The following SORCS1 variants were observed in gnomAD, a reference collection of about 807,000 sequenced individuals.
The protein encoded by SORCS1 is sortilin related VPS10 domain containing receptor 1, also known as VPS10 domain-containing receptor SorCS1.
SORCS1 carries 60 observed loss-of-function variants against 146.1 expected under a neutral mutation model. That is an observed-to-expected ratio of 0.41 (90% CI 0.33 to 0.51). SORCS1 has a LOEUF of 0.51. Among genes scored for constraint, SORCS1 ranks in the 20% least tolerant of loss-of-function variants. The probability of loss-of-function intolerance (pLI) is 0.21; values close to 1 mark genes in which losing one functional copy is unlikely to be tolerated. For missense variants in SORCS1, 1,352 were observed against 1,487.6 expected (o/e 0.91, Z 1.50); for synonymous variants, 637 against 584.0 (o/e 1.09, Z -1.31).
At chr10:106,999,822 G>A (rs1420736734) in intron 1 of SORCS1, among the ~76,000 whole-genome samples, 1 of 152,166 alleles carries the variant, frequency 6.6e-6, no homozygotes, top group African/African-American at 2.4e-5. Context: ...AAGTGTAACA[G>A]GATAAGGGGA....
At chr10:106,690,746 G>GT (rs1227625138) in intron 9 of SORCS1, among the ~76,000 whole-genome samples, 1 of 152,144 alleles carries the variant, frequency 6.6e-6, no homozygotes, top group South Asian at 2.1e-4. Context: ...TTAAGGTAGG[G>GT]TTTTTTATTT....
At chr10:106,668,435 T>C (rs921147374) in intron 16 of SORCS1, among the ~76,000 whole-genome samples, 1 of 152,202 alleles carries the variant, frequency 6.6e-6, no homozygotes. Flanking sequence ...ACTTCGGAAA[T>C]AGCCAAAGAC....
intron 1 of SORCS1, among the ~76,000 whole-genome samples, chr10:107,021,437 C>T (rs1325265805): frequency 1.4e-5 from 2 of 144,368 alleles, no homozygotes; most frequent in East Asian, 4.2e-4. Flanking sequence ...TGGCGTGAAC[C>T]CGGGAGGCAG....
At chr10:106,949,159 G>C (rs1954537918) in intron 2 of SORCS1, among the ~76,000 whole-genome samples, 1 of 152,144 alleles carries the variant, frequency 6.6e-6, no homozygotes, top group South Asian at 2.1e-4. Context: ...TGTACGCACA[G>C]GTGTGAACAG....
chr10:106,903,071 C>G (rs1951777995), intron 2 of SORCS1, among the ~76,000 whole-genome samples: 1 of 152,170 alleles, frequency 6.6e-6, no homozygotes, highest in Non-Finnish European at 1.5e-5. Context: ...GAGCAAGACT[C>G]TGTCTCAAAA....
At chr10:106,838,948 A>T (rs763135611) in intron 2 of SORCS1, among the ~76,000 whole-genome samples, 68 of 152,174 alleles carry the variant, frequency 4.5e-4, no homozygotes, top group Non-Finnish European at 8.8e-4. Flanking sequence ...CCCATGTAAG[A>T]TGGCAAATTT....
At chr10:106,926,963 A>C (rs1476654866) in intron 2 of SORCS1, among the ~76,000 whole-genome samples, 2 of 152,086 alleles carry the variant, frequency 1.3e-5, no homozygotes, top group South Asian at 4.2e-4. Context: ...GTGAAAAATA[A>C]ATAGAAAGAA....
intron 2 of SORCS1, among the ~76,000 whole-genome samples, chr10:106,847,927 T>C (rs1359951727): frequency 6.6e-6 from 1 of 151,084 alleles, no homozygotes; most frequent in Non-Finnish European, 1.5e-5. Context: ...AATTCTAGTT[T>C]GCTTGCACTG....
intron 5 of SORCS1, among the ~76,000 whole-genome samples, chr10:106,748,875 G>C (rs948783615): frequency 1.3e-5 from 2 of 152,082 alleles, no homozygotes; most frequent in South Asian, 4.1e-4. Flanking sequence ...TTGCTTTCAG[G>C]ATATAGAAAG....
At chr10:106,926,946 T>C (rs1166231276) in intron 2 of SORCS1, among the ~76,000 whole-genome samples, 1 of 151,876 alleles carries the variant, frequency 6.6e-6, no homozygotes, top group Non-Finnish European at 1.5e-5. Flanking sequence ...TCCATCCAGT[T>C]ACTGGAGTGA....
intron 2 of SORCS1, among the ~76,000 whole-genome samples, chr10:106,832,567 T>A (rs1363546094): frequency 6.6e-6 from 1 of 152,120 alleles, no homozygotes; most frequent in Non-Finnish European, 1.5e-5. Context: ...TTCTTGTGTG[T>A]CTCCCGCATC....
At chr10:106,614,808 C>T (rs186610284) in intron 21 of SORCS1, among the ~76,000 whole-genome samples, 7 of 152,200 alleles carry the variant, frequency 4.6e-5, no homozygotes, top group African/African-American at 1.7e-4. Flanking sequence ...ATAGGGGATG[C>T]GTGTGGGCGG....
intron 2 of SORCS1, among the ~76,000 whole-genome samples, chr10:106,833,376 G>C (rs762048085): frequency 1.3e-5 from 2 of 152,188 alleles, no homozygotes; most frequent in Non-Finnish European, 2.9e-5. Context: ...ATCAGCGGTT[G>C]TCCAAGCGTG....
At chr10:106,649,711 T>G (rs1849718492) in intron 18 of SORCS1, among the ~76,000 whole-genome samples, 1 of 152,148 alleles carries the variant, frequency 6.6e-6, no homozygotes, top group South Asian at 2.1e-4. Flanking sequence ...GTTCCTTATC[T>G]CTCTCCTCTC....
intron 18 of SORCS1, among the ~76,000 whole-genome samples, chr10:106,636,645 C>T (rs898369726): frequency 1.3e-5 from 2 of 152,152 alleles, no homozygotes; most frequent in Non-Finnish European, 2.9e-5. Context: ...GAAACCACCC[C>T]TATGATCCAA....
intron 23 of SORCS1, among the ~76,000 whole-genome samples, chr10:106,601,487 G>A (rs1157050210): frequency 6.6e-6 from 1 of 152,174 alleles, no homozygotes; most frequent in African/African-American, 2.4e-5. Flanking sequence ...AAGGACAGTG[G>A]AGGCTCAATT....
intron 2 of SORCS1, among the ~76,000 whole-genome samples, chr10:106,903,447 T>C (rs1951796493): frequency 6.6e-6 from 1 of 152,236 alleles, no homozygotes; most frequent in Non-Finnish European, 1.5e-5. Flanking sequence ...AGAACAAATG[T>C]TACAGAATAT....
chr10:106,677,301 A>ATG lies in SORCS1; in HGVS notation c.1832+10_1832+11dup. 2 of 1,612,958 alleles carry ATG rather than the reference A, an allele frequency of 1.2e-6. No individual in the cohort carries two copies. The highest frequency in any genetic ancestry group is 1.7e-6 in the Non-Finnish European group (2 of 1,178,984). On this transcript the variant is annotated intron_variant, in intron 13 of 25. Coordinates refer to ENST00000263054, the MANE Select transcript of SORCS1 (RefSeq NM_052918.5). ...ATCAGGTGCAGATTTCACAGGCAGC[A>ATG]TGTGCCCTTACCAAAGATGTCGAAT...
intron 5 of SORCS1, among the ~76,000 whole-genome samples, chr10:106,739,834 C>T (rs1857236672): frequency 6.6e-6 from 1 of 151,762 alleles, no homozygotes; most frequent in Non-Finnish European, 1.5e-5. Flanking sequence ...CACCTGTAGT[C>T]CCAGCTACTT....
Sources: allele counts gnomAD v4.1 joint callset (sites outside exome capture counted in the v4.1 genomes callset), GRCh38; gene constraint gnomAD v4.1.1; transcripts MANE v1.5; gene names NCBI Gene and HGNC (gene_info 2026-07-23, HGNC 2026-07-21).